The following IL1RAPL2 variants were observed in gnomAD, a reference collection of about 807,000 sequenced individuals.
IL1RAPL2 encodes X-linked interleukin-1 receptor accessory protein-like 2.
In IL1RAPL2, 3 loss-of-function variants were observed where a neutral mutation model predicts 44.1. That is an observed-to-expected ratio of 0.07 (90% CI 0.03 to 0.18). IL1RAPL2 has a LOEUF of 0.18. IL1RAPL2 is among the 10% of genes least tolerant of loss of function. IL1RAPL2 has a pLI of 1.00. For synonymous variants in IL1RAPL2, 181 were observed against 178.8 expected, an observed-to-expected ratio of 1.01 and a Z score of -0.10; for missense variants, 391 against 496.4, an observed-to-expected ratio of 0.79 and a Z score of 2.02.
intron 5 of IL1RAPL2, among the ~76,000 whole-genome samples, chrX:105,411,548 CAA>C (rs758533671): frequency 9.0e-5 from 10 of 110,663 alleles, no homozygotes; most frequent in Non-Finnish European, 1.7e-4. Flanking sequence ...GACTGTAAGT[CAA>C]AAACAGTAAA....
chrX:105,731,006 A>G (rs1049137739), intron 7 of IL1RAPL2, among the ~76,000 whole-genome samples: 3 of 111,120 alleles, frequency 2.7e-5, no homozygotes, highest in Non-Finnish European at 3.8e-5. Context: ...ACCCCAAATT[A>G]GTAGAATGAA....
chrX:104,727,000 C>T (rs142435490), intron 2 of IL1RAPL2, among the ~76,000 whole-genome samples: 1,274 of 108,927 alleles, frequency 0.012, 6 homozygotes, highest in Non-Finnish European at 0.018. Context: ...AAAAAAAATC[C>T]TAGAATAAAA....
chrX:104,723,675 C>T (rs1330267528), intron 2 of IL1RAPL2, among the ~76,000 whole-genome samples: 2 of 110,003 alleles, frequency 1.8e-5, no homozygotes, highest in African/African-American at 6.6e-5. Context: ...GGCTCTTTGC[C>T]TGAGATTTGG....
chrX:105,669,985 T>C (rs2037803625), intron 6 of IL1RAPL2, among the ~76,000 whole-genome samples: 1 of 102,286 alleles, frequency 9.8e-6, no homozygotes, highest in African/African-American at 3.6e-5. Context: ...GGATGTCCAG[T>C]TTTTCTAGCA....
chrX:104,652,173 C>G (rs781436715), intron 1 of IL1RAPL2, among the ~76,000 whole-genome samples: 5 of 111,965 alleles, frequency 4.5e-5, no homozygotes, highest in African/African-American at 6.5e-5. Context: ...ATCTCCTATA[C>G]TGGCCAAGCT....
At chrX:104,634,013 G>A (rs1475868061) in intron 1 of IL1RAPL2, among the ~76,000 whole-genome samples, 1 of 110,524 alleles carries the variant, frequency 9.0e-6, no homozygotes, top group Admixed American at 9.7e-5. Flanking sequence ...ACACTGCTTT[G>A]AATGTGTCCC....
chrX:105,232,044 C>A (rs1247637430), intron 3 of IL1RAPL2, among the ~76,000 whole-genome samples: 1 of 111,667 alleles, frequency 9.0e-6, no homozygotes, highest in Non-Finnish European at 1.9e-5. Context: ...GTTCCAGGAA[C>A]CCATGTAGAG....
chrX:105,763,888 C>T (rs1166910478), intron 10 of IL1RAPL2, among the ~76,000 whole-genome samples: 6 of 111,100 alleles, frequency 5.4e-5, no homozygotes, highest in Admixed American at 9.6e-5. Flanking sequence ...ATACGAGATT[C>T]AGGGCCCAAG....
intron 2 of IL1RAPL2, among the ~76,000 whole-genome samples, chrX:104,847,290 A>T (rs371101586): frequency 1.6e-4 from 18 of 111,791 alleles, no homozygotes; most frequent in Admixed American, 1.4e-3. Flanking sequence ...CTGAATGGTA[A>T]TGCCTAGGTT....
chrX:104,690,972 C>T (rs540926818), intron 2 of IL1RAPL2, among the ~76,000 whole-genome samples: 3 of 111,413 alleles, frequency 2.7e-5, no homozygotes, highest in African/African-American at 6.5e-5. Context: ...ATAAATGGCC[C>T]CTGGTCATTT....
intron 2 of IL1RAPL2, among the ~76,000 whole-genome samples, chrX:104,722,175 A>T (rs1307932955): frequency 9.0e-6 from 1 of 111,384 alleles, no homozygotes; most frequent in African/African-American, 3.3e-5. Context: ...CATAGGCCAT[A>T]CAGTCTCTAT....
At chrX:104,983,963 C>T (rs746566243) in intron 2 of IL1RAPL2, among the ~76,000 whole-genome samples, 1 of 109,952 alleles carries the variant, frequency 9.1e-6, no homozygotes, top group South Asian at 3.8e-4. Flanking sequence ...ATTGTGAGGG[C>T]ACATTATAAA....
chrX:105,161,218 A>AAATAAT (rs34426902), intron 2 of IL1RAPL2, among the ~76,000 whole-genome samples: 2,197 of 100,972 alleles, frequency 0.022, 60 homozygotes, highest in African/African-American at 0.061. Flanking sequence ...ACCCTGTCTC[A>AAATAAT]AATAATAATA....
chrX:104,620,830 A>T (rs193009894), intron 1 of IL1RAPL2, among the ~76,000 whole-genome samples: 1 of 105,104 alleles, frequency 9.5e-6, no homozygotes, highest in African/African-American at 3.4e-5. Flanking sequence ...TTTTGAAACC[A>T]GCTGATTGTC....
At chrX:105,027,007 A>C (rs755248311) in intron 2 of IL1RAPL2, among the ~76,000 whole-genome samples, 2 of 111,228 alleles carry the variant, frequency 1.8e-5, no homozygotes, top group Non-Finnish European at 3.8e-5. Context: ...TAGAGAACCC[A>C]AAACAAAATC....
intron 1 of IL1RAPL2, among the ~76,000 whole-genome samples, chrX:104,613,187 T>C (rs1355595330): frequency 9.0e-6 from 1 of 111,371 alleles, no homozygotes; most frequent in Non-Finnish European, 1.9e-5. Flanking sequence ...CTGATTGATA[T>C]GGCTAGGACT....
chrX:104,764,533 G>A (rs1932523259), intron 2 of IL1RAPL2, among the ~76,000 whole-genome samples: 1 of 111,468 alleles, frequency 9.0e-6, no homozygotes, highest in Admixed American at 9.5e-5. Flanking sequence ...TTTCCAATTT[G>A]GATGCCCTTT....
chrX:105,312,839 A>T (rs769797847), intron 5 of IL1RAPL2, among the ~76,000 whole-genome samples: 1 of 111,598 alleles, frequency 9.0e-6, no homozygotes, highest in South Asian at 3.7e-4. Context: ...CATGATAGAT[A>T]TATATAACTT....
At chrX:105,650,031 G>A (rs1008745696) in intron 6 of IL1RAPL2, among the ~76,000 whole-genome samples, 4 of 111,257 alleles carry the variant, frequency 3.6e-5, no homozygotes, top group Non-Finnish European at 3.8e-5. Context: ...GCTAATAGGA[G>A]CTGTCCTCCC....
Sources: allele counts gnomAD v4.1 joint callset (sites outside exome capture counted in the v4.1 genomes callset), GRCh38; gene constraint gnomAD v4.1.1; transcripts MANE v1.5; gene names NCBI Gene and HGNC (gene_info 2026-07-23, HGNC 2026-07-21).